The following STRN variants were observed in gnomAD, a reference collection of about 807,000 sequenced individuals.
The protein encoded by STRN is protein phosphatase 2 regulatory subunit B'''alpha.
Under a neutral mutation model 96.3 loss-of-function variants are expected in STRN, and 53 were observed. That is an observed-to-expected ratio of 0.55 (90% confidence interval 0.44 to 0.69). The LOEUF is 0.69. Among genes scored for constraint, STRN ranks in the 30% least tolerant of loss-of-function variants. STRN has a pLI of 0.00. For missense variants in STRN, 987 were observed against 963.9 expected, an observed-to-expected ratio of 1.02 and a Z score of -0.32; for synonymous variants, 428 against 355.9, an observed-to-expected ratio of 1.20 and a Z score of -2.28.
In STRN at chr2:36,840,491, G is replaced by C. The variant is rs951349266; in HGVS notation, c.*8965C>G. ...GTCAAGGTGCAGACCTCAATCTCAG[G>C]ATAAGCTCCACAGAACCAAATGCAT... On this transcript the variant is annotated 3_prime_UTR_variant, in exon 18 of 18. Coordinates refer to ENST00000263918, the MANE Select transcript of STRN (RefSeq NM_003162.4). 6.6e-6 allele frequency: 1 copy of C among 151,608 alleles called. No individual in the cohort carries two copies. Among genetic ancestry groups the C allele is most frequent in the African/African-American group, 2.4e-5 (1 of 41,258 alleles). The allele number at this position is 151,608 out of a possible 1,614,324, so 9.4% of individuals were successfully genotyped here.
At chr2:36,856,108 T>C (rs1668337275) in intron 14 of STRN, among the ~76,000 whole-genome samples, 1 of 152,148 alleles carries the variant, frequency 6.6e-6, no homozygotes, top group Non-Finnish European at 1.5e-5. Flanking sequence ...AAATAAACTA[T>C]GATGAAATAC....
At chr2:36,913,555 T>C (rs557778896) in intron 3 of STRN, among the ~76,000 whole-genome samples, 47 of 152,326 alleles carry the variant, frequency 3.1e-4, no homozygotes, top group African/African-American at 9.6e-4. Flanking sequence ...CTGCGCTCAA[T>C]AGCACTTATT....
At chr2:36,903,083 A>G (rs1225761126) in intron 4 of STRN, among the ~76,000 whole-genome samples, 3 of 152,226 alleles carry the variant, frequency 2.0e-5, no homozygotes, top group South Asian at 2.1e-4. Flanking sequence ...TCAGTATTTT[A>G]TAATAGTTAT....
intron 10 of STRN, among the ~76,000 whole-genome samples, chr2:36,871,306 T>C (rs895376406): frequency 2.2e-4 from 34 of 152,332 alleles, no homozygotes; most frequent in Non-Finnish European, 4.4e-4. Context: ...GCAAGCTCCA[T>C]TCGTGATAAG....
chr2:36,873,928 C>T (rs1258453751), intron 10 of STRN, among the ~76,000 whole-genome samples: 3 of 120,038 alleles, frequency 2.5e-5, no homozygotes, highest in Non-Finnish European at 3.4e-5. Context: ...GGCGACAAAG[C>T]GAGACTCCGC....
chr2:36,850,342 G>A (rs1233929795), intron 16 of STRN, among the ~76,000 whole-genome samples: 1 of 152,148 alleles, frequency 6.6e-6, no homozygotes, highest in African/African-American at 2.4e-5. Flanking sequence ...AGGTAAATAT[G>A]GCAGCTAATA....
intron 1 of STRN, among the ~76,000 whole-genome samples, chr2:36,944,144 T>C (rs1454983077): frequency 4.6e-5 from 7 of 152,070 alleles, no homozygotes; most frequent in African/African-American, 7.2e-5. Context: ...AAAAAACTCA[T>C]ACTTAAAACA....
chr2:36,847,228 C>A lies in STRN; in HGVS notation c.*2228G>T, dbSNP rs1668101868. 1 of 152,092 alleles carries A rather than the reference C, an allele frequency of 6.6e-6. No homozygotes were observed. Among genetic ancestry groups the A allele is most frequent in the Non-Finnish European group, 1.5e-5 (1 of 68,018 alleles). 9.4% of individuals were successfully genotyped at this position (152,092 alleles called of 1,614,324 possible). On this transcript the variant is annotated 3_prime_UTR_variant, in exon 18 of 18. Coordinates refer to ENST00000263918, the MANE Select transcript of STRN (RefSeq NM_003162.4). ...CACTCACTGACAGAAAAATTTCAAC[C>A]ATGAAGCATAAAATGAACGGGGGAA... is the stretch of plus-strand genomic sequence containing the variant.
chr2:36,855,107 A>G, intron 15 of STRN, 105 bp downstream of exon 15: 7 of 1,208,538 alleles, frequency 5.8e-6, no homozygotes, highest in Non-Finnish European at 8.0e-6. Flanking sequence ...GTTAAGAGAC[A>G]GAAAGCTTTA....
chr2:36,894,178 TA>T (rs1669479583), intron 6 of STRN, 145 bp from the exon 7 acceptor site: 2 of 922,314 alleles, frequency 2.2e-6, no homozygotes, highest in South Asian at 2.2e-5. Flanking sequence ...CACATAGTTT[TA>T]AAAAATATGT....
intron 7 of STRN, among the ~76,000 whole-genome samples, chr2:36,891,222 G>C (rs956052428): frequency 1.5e-4 from 23 of 152,068 alleles, no homozygotes; most frequent in African/African-American, 5.6e-4. Flanking sequence ...AACAAGAAGA[G>C]TCATTAAAAG....
At position 36,846,395 on chromosome 2, in the gene STRN, A is replaced by ATATATATATAT. The variant is rs1668075898; in HGVS notation, c.*3050_*3060dup. ...TAAAATGCACCTATGGTTTATATAT[A>ATATATATATAT]TATATATATATATATATATATATAT... On this transcript the variant is annotated 3_prime_UTR_variant, in exon 18 of 18. Coordinates refer to ENST00000263918, the MANE Select transcript of STRN (RefSeq NM_003162.4). 2.6e-5 allele frequency: 1 copy of ATATATATATAT among 37,870 alleles called. No individual in the cohort carries two copies. The highest frequency in any genetic ancestry group is 9.1e-5 in the Non-Finnish European group (1 of 11,024). The allele number at this position is 37,870 out of a possible 1,614,324, so 2.3% of individuals were successfully genotyped here.
chr2:36,884,115 G>C (rs749134657), intron 8 of STRN, 40 bp from the exon 9 acceptor site: 7 of 1,309,842 alleles, frequency 5.3e-6, no homozygotes, highest in East Asian at 2.8e-5. Context: ...ATAAAAAAGA[G>C]AAAAGAGAAT....
At chr2:36,952,179 C>A (rs1332073002) in intron 1 of STRN, among the ~76,000 whole-genome samples, 1 of 152,190 alleles carries the variant, frequency 6.6e-6, no homozygotes, top group Non-Finnish European at 1.5e-5. Context: ...CTATATACAT[C>A]TATATACTAT....
At chr2:36,855,127 A>G (rs1164059081) in intron 15 of STRN, 85 bp downstream of exon 15, 5 of 1,398,198 alleles carry the variant, frequency 3.6e-6, no homozygotes, top group African/African-American at 2.9e-5. Context: ...ATAATGACAA[A>G]TATTTTTCAC....
chr2:36,942,450 G>A (rs1386384410), intron 1 of STRN, among the ~76,000 whole-genome samples: 3 of 152,028 alleles, frequency 2.0e-5, no homozygotes, highest in African/African-American at 4.8e-5. Flanking sequence ...CTATAATTGG[G>A]TATTTAGTTT....
At chr2:36,896,293 AATAAAG>A (rs1235753877) in intron 6 of STRN, among the ~76,000 whole-genome samples, 1 of 152,234 alleles carries the variant, frequency 6.6e-6, no homozygotes, top group Admixed American at 6.5e-5. Context: ...CCTTACAAAG[AATAAAG>A]ATAAATGACA....
rs13398378 is a variant in STRN, at chr2:36,868,341, T to C, written c.1500-480A>G. 7.2e-3 allele frequency among the ~76,000 whole-genome samples: 1,096 copies of C among 152,306 alleles called. 17 individuals carry two copies. Among genetic ancestry groups the C allele is most frequent in the African/African-American group, 0.025 (1,049 of 41,570 alleles). On this transcript the variant is annotated intron_variant, in intron 11 of 17. Coordinates refer to ENST00000263918, the MANE Select transcript of STRN (RefSeq NM_003162.4). ...CCCCAGGACACAATCATGCACATAG[T>C]AGGATATCAGCAAATGGTACTTTTA...
intron 12 of STRN, among the ~76,000 whole-genome samples, chr2:36,866,965 G>C (rs1286454617): frequency 6.6e-6 from 1 of 152,128 alleles, no homozygotes; most frequent in African/African-American, 2.4e-5. Flanking sequence ...GTTGGGTCTT[G>C]CTTCTTTAAT....
Sources: gnomAD v4.1 joint callset for allele counts (sites outside exome capture counted in the v4.1 genomes callset) on GRCh38, gnomAD v4.1.1 for gene constraint, MANE v1.5 for transcripts, NCBI Gene and HGNC (gene_info 2026-07-23, HGNC 2026-07-21) for gene names.